The following VPS54 variants were observed in gnomAD, a reference collection of about 807,000 sequenced individuals.
VPS54 encodes the protein vacuolar protein sorting-associated protein 54.
A neutral mutation model predicts 121.5 loss-of-function variants in VPS54; 45 were observed. The ratio of observed to expected loss-of-function variants is 0.37; its 90% CI spans 0.29 to 0.47. VPS54 has a LOEUF of 0.47. Ranked by LOEUF, VPS54 falls within the 20% of genes least tolerant of loss-of-function variation. The pLI, the probability that VPS54 is intolerant of heterozygous loss-of-function variation, is 0.99. For synonymous variants in VPS54, 371 were observed against 385.8 expected (o/e 0.96, Z 0.45); for missense variants, 1,090 against 1,131.4 (o/e 0.96, Z 0.52).
Position 64,019,289 on chromosome 2 carries a change from C to T in VPS54, c.-372G>A, listed in dbSNP as rs545650891. Among the ~76,000 whole-genome samples, 103 of 150,748 alleles carry T rather than the reference C, an allele frequency of 6.8e-4. 1 individual carries two copies. In the South Asian group the frequency reaches 0.021, roughly 31 times the overall value. ...CCCCGGCCTCCAGGGGAGCCGCCGC[C>T]GCCGCGCCACGACCACTGCCTCTAG... On this transcript the variant is annotated 5_prime_UTR_variant, in exon 1 of 23. Coordinates refer to ENST00000272322, the MANE Select transcript of VPS54 (RefSeq NM_016516.3).
Position 63,973,376 on chromosome 2 carries a change from TATAAC to T in VPS54, c.379-1137_379-1133del, listed in dbSNP as rs1279441621. Among the ~76,000 whole-genome samples the T allele has an allele frequency of 2.0e-5, 3 of 152,364 alleles. No individual in the cohort carries two copies. The South Asian group carries it at 6.2e-4, about 32-fold the overall frequency. ...CTCATATTTTTTAAGGAAAAATACATATAACATAAAATTTATCACGTAAAATTATT... is the reference window on the plus strand; with the variant it reads ...CTCATATTTTTTAAGGAAAAATACATATAAAATTTATCACGTAAAATTATT... On this transcript the variant is annotated intron_variant, in intron 3 of 22. Transcript: ENST00000272322.
chr2:63,934,122 G>T, intron 11 of VPS54, 109 bp from the exon 12 acceptor site: 1 of 929,938 alleles, frequency 1.1e-6, no homozygotes, highest in Non-Finnish European at 1.6e-6. Context: ...TCATAAATGA[G>T]TCAAAGTCAT....
chr2:63,926,142 G>A (rs534344281), intron 12 of VPS54, among the ~76,000 whole-genome samples: 4 of 152,234 alleles, frequency 2.6e-5, no homozygotes, highest in Admixed American at 6.5e-5. Context: ...CTGCTGCTAC[G>A]GATGAAAATG....
intron 12 of VPS54, among the ~76,000 whole-genome samples, chr2:63,927,436 A>G (rs547099347): frequency 3.3e-5 from 5 of 152,344 alleles, no homozygotes; most frequent in African/African-American, 1.2e-4. Flanking sequence ...TGTTGGAAGG[A>G]AAATTAACAA....
chr2:64,004,183 A>AG (rs975441274), intron 1 of VPS54, among the ~76,000 whole-genome samples: 3 of 152,138 alleles, frequency 2.0e-5, no homozygotes, highest in Admixed American at 6.5e-5. Flanking sequence ...TACTTAAGGG[A>AG]GAAAAAAAAA....
chr2:64,018,268 G>C (rs1229578173), intron 1 of VPS54, among the ~76,000 whole-genome samples: 1 of 151,752 alleles, frequency 6.6e-6, no homozygotes, highest in Non-Finnish European at 1.5e-5. Context: ...TTTTTGAAAC[G>C]CCTGTCAGTC....
At chr2:63,923,270 C>T (rs182636445) in intron 12 of VPS54, among the ~76,000 whole-genome samples, 62 of 150,714 alleles carry the variant, frequency 4.1e-4, no homozygotes, top group Admixed American at 6.6e-4. Context: ...GAGCCGAGAT[C>T]GCACCACTGC....
chr2:63,945,035 G>T (rs1319059183), intron 9 of VPS54, among the ~76,000 whole-genome samples: 2 of 152,070 alleles, frequency 1.3e-5, no homozygotes, highest in Non-Finnish European at 2.9e-5. Context: ...TCCCATTACT[G>T]GTTACATACC....
chr2:63,991,838 G>A (rs185679006), intron 1 of VPS54, among the ~76,000 whole-genome samples: 2 of 152,192 alleles, frequency 1.3e-5, no homozygotes, highest in African/African-American at 2.4e-5. Flanking sequence ...TTTACCTACA[G>A]TCAACCCAGA....
At chr2:64,013,636 A>G (rs1262458071) in intron 1 of VPS54, among the ~76,000 whole-genome samples, 1 of 146,072 alleles carries the variant, frequency 6.8e-6, no homozygotes, top group Non-Finnish European at 1.5e-5. Context: ...ATATATAAAT[A>G]TATATCAATA....
intron 1 of VPS54, among the ~76,000 whole-genome samples, chr2:64,012,218 T>C (rs530965486): frequency 6.6e-6 from 1 of 152,212 alleles, no homozygotes; most frequent in South Asian, 2.1e-4. Flanking sequence ...CAATACAGTG[T>C]GTCTTTGCTT....
intron 3 of VPS54, among the ~76,000 whole-genome samples, chr2:63,974,257 G>T (rs1676416408): frequency 6.6e-6 from 1 of 152,126 alleles, no homozygotes; most frequent in Non-Finnish European, 1.5e-5. Flanking sequence ...AAAATCAGTT[G>T]ATTGTATTTG....
At chr2:64,018,514 C>G (rs1378592883) in intron 1 of VPS54, among the ~76,000 whole-genome samples, 1 of 152,094 alleles carries the variant, frequency 6.6e-6, no homozygotes, top group Non-Finnish European at 1.5e-5. Flanking sequence ...GGTTAGCCTT[C>G]CCCGGAGAGA....
chr2:64,010,931 T>C (rs1233187966), intron 1 of VPS54, among the ~76,000 whole-genome samples: 2 of 152,178 alleles, frequency 1.3e-5, no homozygotes, highest in African/African-American at 2.4e-5. Flanking sequence ...TTTCTTTTTC[T>C]TTACATCCTC....
Position 63,981,824 on chromosome 2 carries a change from T to TGTTG in VPS54, c.199_200insCAAC (p.Tyr67SerfsTer16). The TGTTG allele has an allele frequency of 6.2e-7, 1 of 1,613,692 alleles. No homozygotes were observed. Among genetic ancestry groups the TGTTG allele is most frequent in the Non-Finnish European group, 8.5e-7 (1 of 1,179,718 alleles). On this transcript the variant is annotated frameshift_variant, in exon 3 of 23. Transcript: ENST00000272322. LOFTEE classifies it high-confidence loss of function. ...TGCTGGGAGATTTACTTTGGAATGA[T>TGTTG]ATACAGTCCATCTATGTTGATCTGT...
rs1008954471 is a variant in VPS54 at position 63,914,341 on chromosome 2, G to A, written c.2229-54C>T. On this transcript the variant is annotated intron_variant, in intron 16 of 22. Transcript: ENST00000272322. ...GAAATCAAAACAAGAAAAATCAAAAGGATTTGGCATATAAAAATCAAATTA... is the reference window on the plus strand; with the variant it reads ...GAAATCAAAACAAGAAAAATCAAAAAGATTTGGCATATAAAAATCAAATTA... The A allele has an allele frequency of 1.2e-5, 14 of 1,211,700 alleles. No homozygotes were observed. In the Admixed American group the frequency reaches 1.2e-4, roughly 11 times the overall value. 75.1% of individuals were successfully genotyped at this position (1,211,700 alleles called of 1,614,324 possible). A position where few individuals can be genotyped will look rare whatever the true frequency, so the allele number is the denominator to read the frequency against.
intron 1 of VPS54, among the ~76,000 whole-genome samples, chr2:64,014,028 T>C (rs1018946868): frequency 1.3e-4 from 19 of 148,390 alleles, no homozygotes; most frequent in African/African-American, 4.1e-4. Context: ...CTGTCTCCAC[T>C]TAAAATACAA....
chr2:63,997,154 C>T (rs56227836), intron 1 of VPS54, among the ~76,000 whole-genome samples: 3,586 of 152,226 alleles, frequency 0.024, 47 homozygotes, highest in East Asian at 0.035. Context: ...TAGACATAGG[C>T]CTGCAGTTTC....
At chr2:63,983,722 G>A (rs534529687) in intron 2 of VPS54, 142 bp downstream of exon 2, 116 of 1,065,144 alleles carry the variant, frequency 1.1e-4, no homozygotes, top group African/African-American at 7.6e-4. Context: ...GATTACAGGC[G>A]TGAGCCACCG....
Sources: allele counts gnomAD v4.1 joint callset (sites outside exome capture counted in the v4.1 genomes callset), GRCh38; gene constraint gnomAD v4.1.1; transcripts MANE v1.5; gene names NCBI Gene and HGNC (gene_info 2026-07-23, HGNC 2026-07-21).